The following ANO10 variants were observed in gnomAD, a reference collection of about 807,000 sequenced individuals.
ANO10 encodes anoctamin 10.
ANO10 carries 77 observed loss-of-function variants against 74.7 expected under a neutral mutation model. The observed-to-expected ratio is 1.03, with a 90% CI of 0.86 to 1.25. The LOEUF is 1.25. ANO10 is among the 50% of genes most tolerant of loss of function. ANO10 has a pLI of 0.00. For missense variants in ANO10, 721 were observed against 778.1 expected (o/e 0.93, Z 0.87); for synonymous variants, 279 against 284.9 (o/e 0.98, Z 0.21).
chr3:43,412,969 T>G (rs1431197120), intron 12 of ANO10, among the ~76,000 whole-genome samples: 1 of 152,142 alleles, frequency 6.6e-6, no homozygotes, highest in Non-Finnish European at 1.5e-5. Context: ...GAGAATCACA[T>G]GAACCCAGGA....
intron 9 of ANO10, among the ~76,000 whole-genome samples, chr3:43,558,596 T>C (rs1314153648): frequency 2.0e-5 from 3 of 152,200 alleles, no homozygotes; most frequent in Non-Finnish European, 4.4e-5. Flanking sequence ...TTTTAAAGTT[T>C]CGGCCAAATT....
chr3:43,611,945 C>CA (rs1364280505), intron 1 of ANO10, among the ~76,000 whole-genome samples: 3 of 151,388 alleles, frequency 2.0e-5, no homozygotes, highest in African/African-American at 7.3e-5. Flanking sequence ...TTTAGATGCA[C>CA]AAAAAACAAA....
chr3:43,657,141 C>A (rs1273373988), intron 1 of ANO10, among the ~76,000 whole-genome samples: 1 of 152,208 alleles, frequency 6.6e-6, no homozygotes, highest in Non-Finnish European at 1.5e-5. Context: ...TTAGGGGATC[C>A]TTTTCCTGTC....
intron 11 of ANO10, among the ~76,000 whole-genome samples, chr3:43,436,354 A>G (rs984061209): frequency 6.6e-6 from 1 of 152,206 alleles, no homozygotes; most frequent in Non-Finnish European, 1.5e-5. Flanking sequence ...AGAGGGGTGG[A>G]AGGAGCCTGT....
In ANO10 at chr3:43,459,121, T is replaced by G. The variant is rs565562993; in HGVS notation, c.1798-26394A>C. On this transcript the variant is annotated intron_variant, in intron 11 of 12. Coordinates refer to ENST00000292246, the MANE Select transcript of ANO10 (RefSeq NM_018075.5). ...GTGGGCTCTAAGAGCAATAGCTAGC[T>G]GCATGTGTCACTATCATAGGGTGGC... 3.9e-5 allele frequency among the ~76,000 whole-genome samples: 6 copies of G among 152,302 alleles called. No homozygotes were observed. The East Asian group carries it at 1.2e-3, about 29-fold the overall frequency.
chr3:43,379,516 C>A (rs2091901427), intron 12 of ANO10, among the ~76,000 whole-genome samples: 1 of 152,204 alleles, frequency 6.6e-6, no homozygotes, highest in Non-Finnish European at 1.5e-5. Context: ...AGAGAATCCA[C>A]AGACCCTTTA....
At chr3:43,476,442 C>G (rs1326207012) in intron 11 of ANO10, among the ~76,000 whole-genome samples, 1 of 152,132 alleles carries the variant, frequency 6.6e-6, no homozygotes, top group Non-Finnish European at 1.5e-5. Flanking sequence ...AAATTCATTT[C>G]TCATGTCATC....
At chr3:43,661,784 C>G (rs1477990038) in intron 1 of ANO10, among the ~76,000 whole-genome samples, 1 of 152,056 alleles carries the variant, frequency 6.6e-6, no homozygotes, top group African/African-American at 2.4e-5. Flanking sequence ...GACTTTAAAC[C>G]AACAAAGATC....
intron 5 of ANO10, 74 bp downstream of exon 5, chr3:43,580,279 T>C: frequency 1.9e-6 from 3 of 1,597,064 alleles, no homozygotes; most frequent in Non-Finnish European, 1.7e-6. Flanking sequence ...CCAAGGGAGC[T>C]GACTCCACTG....
At chr3:43,646,054 C>T (rs1378439962) in intron 1 of ANO10, among the ~76,000 whole-genome samples, 4 of 152,090 alleles carry the variant, frequency 2.6e-5, no homozygotes, top group South Asian at 2.1e-4. Context: ...GCAATCCACC[C>T]GCCTCAGTCT....
chr3:43,632,701 TG>T (rs1036042093), intron 1 of ANO10, among the ~76,000 whole-genome samples: 3 of 152,274 alleles, frequency 2.0e-5, no homozygotes, highest in African/African-American at 7.2e-5. Flanking sequence ...AGCATCTCCA[TG>T]CAGCACTACA....
chr3:43,622,022 C>CCGCCGAGCG (rs1479772998), upstream of ANO10: 3 of 152,490 alleles, frequency 2.0e-5, no homozygotes, highest in African/African-American at 7.2e-5. Flanking sequence ...GGGGCGGGCG[C>CCGCCGAGCG]CGCCGAGCGC....
At chr3:43,683,279 C>T (rs1375666860) in intron 1 of ANO10, among the ~76,000 whole-genome samples, 2 of 152,168 alleles carry the variant, frequency 1.3e-5, no homozygotes, top group Non-Finnish European at 2.9e-5. Context: ...CAATCTTATA[C>T]ACCAATAACA....
intron 1 of ANO10, among the ~76,000 whole-genome samples, chr3:43,688,410 G>A (rs117177571): frequency 0.023 from 3,434 of 152,258 alleles, 60 homozygotes; most frequent in South Asian, 0.092. Context: ...CTATTGTGGA[G>A]GCTAAAGTAA....
chr3:43,505,161 G>A (rs1387086182), intron 11 of ANO10, among the ~76,000 whole-genome samples: 3 of 152,110 alleles, frequency 2.0e-5, no homozygotes, highest in African/African-American at 4.8e-5. Flanking sequence ...AAATGCCATC[G>A]AGTTTTTAAA....
intron 11 of ANO10, among the ~76,000 whole-genome samples, chr3:43,488,701 A>C (rs2076599042): frequency 6.6e-6 from 1 of 151,264 alleles, no homozygotes; most frequent in Admixed American, 6.6e-5. Flanking sequence ...GAGAAATAGG[A>C]ACACTTTTAC....
intron 1 of ANO10, among the ~76,000 whole-genome samples, chr3:43,686,486 A>G (rs1366141545): frequency 6.6e-6 from 1 of 152,046 alleles, no homozygotes. Context: ...GGGTCTTGCC[A>G]CGTTGCCCAA....
chr3:43,625,950 T>C (rs1284241998), upstream of ANO10, among the ~76,000 whole-genome samples: 1 of 152,096 alleles, frequency 6.6e-6, no homozygotes, highest in Admixed American at 6.5e-5. Flanking sequence ...CTTTTTTTTT[T>C]TTTTAACGGG....
chr3:43,565,680 G>C lies in ANO10; in HGVS notation c.1266C>G (p.Val422=). ...CFASLFYIAF[V]LKDMKLLRQS... ...GGCGCAAAAGCTTCATATCTTTCAA[G>C]ACAAAGGCAATATAGAAGAGTGAGG... The change falls in exon 8 of 13, where the codon GTC becomes GTG. Residue 422 remains valine (V), a synonymous_variant. Transcript: ENST00000292246. 1.3e-6 allele frequency: 2 copies of C among 1,550,378 alleles called. No homozygotes were observed. Among genetic ancestry groups the C allele is most frequent in the Non-Finnish European group, 1.7e-6 (2 of 1,150,490 alleles).
Sources: gnomAD v4.1 joint callset for allele counts (sites outside exome capture counted in the v4.1 genomes callset) on GRCh38, gnomAD v4.1.1 for gene constraint, MANE v1.5 for transcripts, NCBI Gene and HGNC (gene_info 2026-07-23, HGNC 2026-07-21) for gene names.